Variants in OR51B2 observed in about 807,000 individuals in gnomAD.
OR51B2 encodes the protein olfactory receptor 51B2.
For synonymous variants in OR51B2, 158 were observed against 135.3 expected (o/e 1.17, Z -1.16); for missense variants, 463 against 380.1 (o/e 1.22, Z -1.81).
In OR51B2 at chr11:5,324,290, G is replaced by T; in HGVS notation, c.8C>A (p.Pro3His). Reference protein sequence around the residue: MWPNITAAPFLLT... With the variant: MWHNITAAPFLLT... Reference sequence around the variant, plus strand: ...CAAAAAAGGGGCTGCAGTAATATTGGGCCACATAGTGTATCCACCGGTAAA... The same window carrying T: ...CAAAAAAGGGGCTGCAGTAATATTGTGCCACATAGTGTATCCACCGGTAAA... The change falls in exon 1 of 1, where the codon CCC becomes CAC. Residue 3 changes from proline to histidine, a missense_variant. By Grantham distance (77) the Pro-to-His change is moderately conservative (BLOSUM62 -2). Coordinates refer to ENST00000624187, the MANE Select transcript of OR51B2 (RefSeq NM_033180.5). 7 of 1,609,850 alleles carry T rather than the reference G, an allele frequency of 4.3e-6. No homozygotes were observed. The highest frequency in any genetic ancestry group is 5.9e-6 in the Non-Finnish European group (7 of 1,177,624).
At position 5,323,836 on chromosome 11, in the gene OR51B2, G is replaced by GA. The variant is rs1564906470; in HGVS notation, c.461dup (p.Leu155ProfsTer35). ...AAAAAAGACGCAAAATTACAGGCAG[G>GA]ATGGATACAAAACCCCTTAGAAACA... On this transcript the variant is annotated frameshift_variant, in exon 1 of 1. Coordinates refer to ENST00000624187, the MANE Select transcript of OR51B2 (RefSeq NM_033180.5). LOFTEE classifies it low-confidence loss of function (END_TRUNC). 2 of 1,613,956 alleles carry GA rather than the reference G, an allele frequency of 1.2e-6. No homozygotes were observed. Among genetic ancestry groups the GA allele is most frequent in the Non-Finnish European group, 1.7e-6 (2 of 1,179,968 alleles).
chr11:5,323,861 A>C lies in OR51B2; in HGVS notation c.437T>G (p.Val146Gly). ...GATGGATACAAAACCCCTTAGAAAC[A>C]CTCCCACTCCTAACGCTATGACTCT... Reference protein sequence around the residue: ...NTRVIALGVGVFLRGFVSILP... With the variant: ...NTRVIALGVGGFLRGFVSILP... The change falls in exon 1 of 1, where the codon GTG (valine) becomes GGG (glycine). Residue 146 changes from valine (V) to glycine (G), a missense_variant. Val to Gly is a moderately radical substitution (Grantham distance 109). Transcript: ENST00000624187. The C allele has an allele frequency of 1.2e-6, 2 of 1,613,602 alleles. No individual in the cohort carries two copies.
chr11:5,323,895 T>C lies in OR51B2; in HGVS notation c.403A>G (p.Thr135Ala), dbSNP rs760377882. 6 of 1,613,740 alleles carry C rather than the reference T, an allele frequency of 3.7e-6. No individual in the cohort carries two copies. Among genetic ancestry groups the C allele is most frequent in the Non-Finnish European group, 3.4e-6 (4 of 1,179,902 alleles). The change falls in exon 1 of 1, where the codon ACC (threonine) becomes GCC (alanine). Residue 135 changes from threonine to alanine, a missense_variant. By Grantham distance (58) the Thr-to-Ala change is moderately conservative (BLOSUM62 0). Coordinates refer to ENST00000624187, the MANE Select transcript of OR51B2 (RefSeq NM_033180.5). ...CCTAACGCTATGACTCTAGTATTGG[T>C]GAGAATGGAAGCATATCTCAAAGGA... ...RNPLRYASIL[T>A]NTRVIALGVG... is the part of the protein sequence containing the mutation.
rs772051319 is a variant in OR51B2, at chr11:5,323,432, A to G, written c.866T>C (p.Ile289Thr). 27 of 1,613,714 alleles carry G rather than the reference A, an allele frequency of 1.7e-5. No individual in the cohort carries two copies. In the Admixed American group the frequency reaches 4.3e-4, roughly 26 times the overall value. ...FLFPPLMNPVIYSIKTKQIQY... is the reference protein window; with the variant it reads ...FLFPPLMNPVTYSIKTKQIQY... ...TATTTGCTTGGTTTTGATGCTGTAG[A>G]TGACAGGGTTCATTAAAGGAGGAAA... The change falls in exon 1 of 1, where the codon ATC becomes ACC. Residue 289 changes from isoleucine (I) to threonine (T), a missense_variant. Ile to Thr is a moderately conservative substitution (Grantham distance 89). Coordinates refer to ENST00000624187, the MANE Select transcript of OR51B2 (RefSeq NM_033180.5).
In OR51B2 at chr11:5,324,265, C is replaced by CA. The variant is rs375227790; in HGVS notation, c.32dup (p.Leu11PhefsTer40). Reference sequence around the variant, plus strand: ...CCTCCAGCCCTGGAAAGCCAGTCAGCAAAAAAGGGGCTGCAGTAATATTGG... The same window carrying CA: ...CCTCCAGCCCTGGAAAGCCAGTCAGCAAAAAAAGGGGCTGCAGTAATATTGG... On this transcript the variant is annotated frameshift_variant, in exon 1 of 1. Coordinates refer to ENST00000624187, the MANE Select transcript of OR51B2 (RefSeq NM_033180.5). LOFTEE classifies it low-confidence loss of function (END_TRUNC). 1.9e-6 allele frequency: 3 copies of CA among 1,604,120 alleles called. No homozygotes were observed. In the Admixed American group the frequency reaches 5.2e-5, roughly 28 times the overall value.
In OR51B2 at chr11:5,324,197, A is replaced by T. The variant is rs377070761; in HGVS notation, c.101T>A (p.Val34Glu). ...WISIPFFAVYVCILLGNGMLL... is the reference protein window; with the variant it reads ...WISIPFFAVYECILLGNGMLL... ...CATGCCATTGCCCAGAAGGATGCAC[A>T]CATAAACAGCAAAGAAGGGGATGGA... Residue 34 changes from valine to glutamate, a missense_variant, in exon 1 of 1, where the codon GTG becomes GAG. By Grantham distance (121) the Val-to-Glu change is moderately radical. Transcript: ENST00000624187. The T allele has an allele frequency of 3.0e-5, 48 of 1,613,966 alleles. No homozygotes were observed. The highest frequency in any genetic ancestry group is 4.0e-5 in the Non-Finnish European group (47 of 1,179,960).
Position 5,323,558 on chromosome 11 carries a change from A to G in OR51B2, c.740T>C (p.Leu247Pro), listed in dbSNP as rs754818526. 1 of 1,613,688 alleles carries G rather than the reference A, an allele frequency of 6.2e-7. No individual in the cohort carries two copies. Among genetic ancestry groups the G allele is most frequent in the South Asian group, 1.1e-5 (1 of 91,070 alleles). Residue 247 changes from leucine to proline, a missense_variant, in exon 1 of 1, where the codon CTT becomes CCT. Coordinates refer to ENST00000624187, the MANE Select transcript of OR51B2 (RefSeq NM_033180.5). ...NTCISHISCV[L>P]IFYVTVMGLT... The stretch of plus-strand genomic sequence containing the variant: ...ACCCATCACTGTAACATAGAAGATA[A>G]GAACACAACTAATGTGGGAGATACA...
In OR51B2 at chr11:5,324,211, G is replaced by T. The variant is rs1451081443; in HGVS notation, c.87C>A (p.Phe29Leu). The T allele has an allele frequency of 6.2e-7, 1 of 1,614,022 alleles. No individual in the cohort carries two copies. Among genetic ancestry groups the T allele is most frequent in the East Asian group, 2.2e-5 (1 of 44,878 alleles). ...GAAGGATGCACACATAAACAGCAAA[G>T]AAGGGGATGGAGATCCAGTGATGAG... Reference protein sequence around the residue: ...EAAHHWISIPFFAVYVCILLG... With the variant: ...EAAHHWISIPLFAVYVCILLG... The change falls in exon 1 of 1, where the codon TTC (phenylalanine) becomes TTA (leucine). Residue 29 changes from phenylalanine (F) to leucine (L), a missense_variant. Coordinates refer to ENST00000624187, the MANE Select transcript of OR51B2 (RefSeq NM_033180.5).
In OR51B2 at chr11:5,323,603, C is replaced by T. The variant is rs1848700411; in HGVS notation, c.695G>A (p.Arg232Lys). Reference protein sequence around the residue: ...TVIGIASGEERAKALNTCISH... With the variant: ...TVIGIASGEEKAKALNTCISH... ...GATACAGGTATTGAGGGCTTTGGCTCTCTCTTCACCAGAAGCAATGCCTAT... is the reference window on the plus strand; with the variant it reads ...GATACAGGTATTGAGGGCTTTGGCTTTCTCTTCACCAGAAGCAATGCCTAT... Residue 232 changes from arginine (R) to lysine (K), a missense_variant, in exon 1 of 1, where the codon AGA (arginine) becomes AAA (lysine). Coordinates refer to ENST00000624187, the MANE Select transcript of OR51B2 (RefSeq NM_033180.5). The T allele has an allele frequency of 1.2e-6, 2 of 1,612,972 alleles. No homozygotes were observed. The highest frequency in any genetic ancestry group is 1.7e-6 in the Non-Finnish European group (2 of 1,179,066).
Position 5,324,169 on chromosome 11 carries a change from G to A in OR51B2, c.129C>T (p.Leu43=), listed in dbSNP as rs749072884. The part of the protein sequence containing the change: ...YVCILLGNGM[L]LYLIKHDHSL... Reference sequence around the variant, plus strand: ...TGTGGTCATGCTTGATGAGGTAGAGGAGCATGCCATTGCCCAGAAGGATGC... The same window carrying A: ...TGTGGTCATGCTTGATGAGGTAGAGAAGCATGCCATTGCCCAGAAGGATGC... The change falls in exon 1 of 1, where the codon CTC becomes CTT. Residue 43 remains leucine (L), a synonymous_variant. Coordinates refer to ENST00000624187, the MANE Select transcript of OR51B2 (RefSeq NM_033180.5). 5.6e-6 allele frequency: 9 copies of A among 1,613,984 alleles called. No homozygotes were observed. The Admixed American group carries it at 1.0e-4, about 18-fold the overall frequency.
chr11:5,324,087 C>T lies in OR51B2; in HGVS notation c.211G>A (p.Val71Met), dbSNP rs769458743. The T allele has an allele frequency of 3.1e-6, 5 of 1,613,850 alleles. No homozygotes were observed. The South Asian group carries it at 3.3e-5, about 11-fold the overall frequency. The change falls in exon 1 of 1, where the codon GTG (valine) becomes ATG (methionine). Residue 71 changes from valine (V) to methionine (M), a missense_variant. Physicochemically the swap from Val to Met is conservative, Grantham distance 21 (BLOSUM62 1). Transcript: ENST00000624187. ...LTMLAGTDLMVTLTTMPTVMG... is the reference protein window; with the variant it reads ...LTMLAGTDLMMTLTTMPTVMG... ...ACAGTAGGCATCGTGGTCAATGTCA[C>T]CATGAGGTCTGTGCCTGCCAGCATG... is the stretch of plus-strand genomic sequence containing the variant.
In OR51B2 at chr11:5,323,484, T is replaced by C; in HGVS notation, c.814A>G (p.Ile272Val). Reference sequence around the variant, plus strand: ...AGGAAGTAGATGTAACTCATGATAATGTGGACAACCTCTGGCACATTCTTC... The same window carrying C: ...AGGAAGTAGATGTAACTCATGATAACGTGGACAACCTCTGGCACATTCTTC... The part of the protein sequence containing the change: ...FGKNVPEVVH[I>V]IMSYIYFLFP... The change falls in exon 1 of 1, where the codon ATT becomes GTT. Residue 272 changes from isoleucine to valine, a missense_variant. Physicochemically the swap from Ile to Val is conservative, Grantham distance 29 (BLOSUM62 3). Transcript: ENST00000624187. 1.2e-6 allele frequency: 2 copies of C among 1,613,634 alleles called. No individual in the cohort carries two copies. The highest frequency in any genetic ancestry group is 1.3e-5 in the African/African-American group (1 of 75,020).
At position 5,324,176 on chromosome 11, in the gene OR51B2, C is replaced by T. The variant is rs142767580; in HGVS notation, c.122G>A (p.Gly41Asp). 6.2e-7 allele frequency: 1 copy of T among 1,613,938 alleles called. No homozygotes were observed. The highest frequency in any genetic ancestry group is 8.5e-7 in the Non-Finnish European group (1 of 1,179,940). ...ATGCTTGATGAGGTAGAGGAGCATG[C>T]CATTGCCCAGAAGGATGCACACATA... is the stretch of plus-strand genomic sequence containing the variant. Reference protein sequence around the residue: ...AVYVCILLGNGMLLYLIKHDH... With the variant: ...AVYVCILLGNDMLLYLIKHDH... The change falls in exon 1 of 1, where the codon GGC becomes GAC. Residue 41 changes from glycine (G) to aspartate (D), a missense_variant. Coordinates refer to ENST00000624187, the MANE Select transcript of OR51B2 (RefSeq NM_033180.5).
In OR51B2 at chr11:5,324,147, G is replaced by T; in HGVS notation, c.151C>A (p.His51Asn). The T allele has an allele frequency of 1.2e-6, 2 of 1,613,982 alleles. No homozygotes were observed. The highest frequency in any genetic ancestry group is 1.7e-6 in the Non-Finnish European group (2 of 1,179,938). Residue 51 changes from histidine to asparagine, a missense_variant, in exon 1 of 1, where the codon CAC becomes AAC. His to Asn is a moderately conservative substitution (Grantham distance 68). Transcript: ENST00000624187. ...TAGTACATGGGCTCATGAAGACTGT[G>T]GTCATGCTTGATGAGGTAGAGGAGC... Reference protein sequence around the residue: ...GMLLYLIKHDHSLHEPMYYFL... With the variant: ...GMLLYLIKHDNSLHEPMYYFL...
In OR51B2 at chr11:5,324,171, G is replaced by A; in HGVS notation, c.127C>T (p.Leu43Phe). 3 of 1,613,984 alleles carry A rather than the reference G, an allele frequency of 1.9e-6. No homozygotes were observed. The South Asian group carries it at 3.3e-5, about 18-fold the overall frequency. Reference sequence around the variant, plus strand: ...TGGTCATGCTTGATGAGGTAGAGGAGCATGCCATTGCCCAGAAGGATGCAC... The same window carrying A: ...TGGTCATGCTTGATGAGGTAGAGGAACATGCCATTGCCCAGAAGGATGCAC... The part of the protein sequence containing the change: ...YVCILLGNGM[L>F]LYLIKHDHSL... The change falls in exon 1 of 1, where the codon CTC becomes TTC. Residue 43 changes from leucine (L) to phenylalanine (F), a missense_variant. Physicochemically the swap from Leu to Phe is conservative, Grantham distance 22. Transcript: ENST00000624187.
In OR51B2 at chr11:5,323,609, T is replaced by A; in HGVS notation, c.689A>T (p.Glu230Val). The A allele has an allele frequency of 6.2e-7, 1 of 1,612,848 alleles. No individual in the cohort carries two copies. Among genetic ancestry groups the A allele is most frequent in the Non-Finnish European group, 8.5e-7 (1 of 1,178,948 alleles). Residue 230 changes from glutamate to valine, a missense_variant, in exon 1 of 1, where the codon GAA becomes GTA. Transcript: ENST00000624187. Reference protein sequence around the residue: ...LNTVIGIASGEERAKALNTCI... With the variant: ...LNTVIGIASGVERAKALNTCI... ...GGTATTGAGGGCTTTGGCTCTCTCT[T>A]CACCAGAAGCAATGCCTATGACAGT...
rs1314041430 is a variant in OR51B2 at position 5,323,370 on chromosome 11, AC to A, written c.927del (p.Arg309SerfsTer?). The part of the protein sequence containing the change: ...YGIIRLLSKH[R>X]FSS ...CTCCAGATCCGAGTTTAACTACTAA[AC>A]CTATGTTTAGATAAAAGGCGGATAA... is the stretch of plus-strand genomic sequence containing the variant. On this transcript the variant is annotated frameshift_variant, in exon 1 of 1. Coordinates refer to ENST00000624187, the MANE Select transcript of OR51B2 (RefSeq NM_033180.5). LOFTEE classifies it high-confidence loss of function. The A allele has an allele frequency of 6.2e-7, 1 of 1,605,722 alleles. No individual in the cohort carries two copies. Among genetic ancestry groups the A allele is most frequent in the South Asian group, 1.1e-5 (1 of 90,340 alleles).
rs757710750 is a variant in OR51B2, at chr11:5,324,115, G to A, written c.183C>T (p.Leu61=). 8.1e-6 allele frequency: 13 copies of A among 1,613,974 alleles called. No individual in the cohort carries two copies. The highest frequency in any genetic ancestry group is 4.5e-5 in the East Asian group (2 of 44,864). ...HSLHEPMYYF[L]TMLAGTDLMV... is the part of the protein sequence containing the mutation. Reference sequence around the variant, plus strand: ...TGAGGTCTGTGCCTGCCAGCATGGTGAGGAAGTAGTACATGGGCTCATGAA... The same window carrying A: ...TGAGGTCTGTGCCTGCCAGCATGGTAAGGAAGTAGTACATGGGCTCATGAA... Residue 61 remains leucine, a synonymous_variant, in exon 1 of 1, where the codon CTC becomes CTT. Coordinates refer to ENST00000624187, the MANE Select transcript of OR51B2 (RefSeq NM_033180.5).
In OR51B2 at chr11:5,323,908, A is replaced by G. The variant is rs758517460; in HGVS notation, c.390T>C (p.Tyr130=). Residue 130 remains tyrosine, a synonymous_variant, in exon 1 of 1, where the codon TAT becomes TAC. Transcript: ENST00000624187. ...CFIAIRNPLR[Y]ASILTNTRVI... ...CTCTAGTATTGGTGAGAATGGAAGCATATCTCAAAGGATTGCGGATGGCAA... is the reference window on the plus strand; with the variant it reads ...CTCTAGTATTGGTGAGAATGGAAGCGTATCTCAAAGGATTGCGGATGGCAA... The G allele has an allele frequency of 1.9e-5, 30 of 1,614,044 alleles. No individual in the cohort carries two copies. In the East Asian group the frequency reaches 6.0e-4, roughly 32 times the overall value.
Sources: allele counts gnomAD v4.1 joint callset, GRCh38; gene constraint gnomAD v4.1.1; transcripts MANE v1.5; gene names NCBI Gene and HGNC (gene_info 2026-07-23, HGNC 2026-07-21).